The following CDH18 variants were observed in gnomAD, a reference collection of about 807,000 sequenced individuals.
The protein encoded by CDH18 is cadherin-18.
A neutral mutation model predicts 67.9 loss-of-function variants in CDH18; 31 were observed. The observed-to-expected ratio is 0.46, with a 90% CI of 0.34 to 0.62. The LOEUF is 0.62. Ranked by LOEUF, CDH18 falls within the 20% of genes least tolerant of loss-of-function variation. The pLI, the probability that CDH18 is intolerant of heterozygous loss-of-function variation, is 0.01. For missense variants in CDH18, 890 were observed against 975.5 expected (o/e 0.91, Z 1.17); for synonymous variants, 362 against 347.2 (o/e 1.04, Z -0.48).
intron 1 of CDH18, among the ~76,000 whole-genome samples, chr5:20,312,125 C>T (rs749961746): frequency 6.6e-6 from 1 of 152,150 alleles, no homozygotes; most frequent in Non-Finnish European, 1.5e-5. Context: ...TGTCAACTCA[C>T]AAGATAATGG....
rs146534654 is a variant in CDH18, at chr5:20,293,165, A to G, written c.-579-37660T>C. Among the ~76,000 whole-genome samples the G allele has an allele frequency of 5.3e-3, 810 of 152,198 alleles. 5 individuals carry two copies. Among genetic ancestry groups the G allele is most frequent in the African/African-American group, 0.019 (776 of 41,512 alleles). On this transcript the variant is annotated intron_variant, in intron 1 of 14. Transcript: ENST00000507958. The stretch of plus-strand genomic sequence containing the variant: ...AACTCTGTCTCTACTAAAAATACAA[A>G]AATTATCCGAGAGTGGTAGTGGGCA...
chr5:20,383,593 C>T lies in CDH18; in HGVS notation c.-579-128088G>A, dbSNP rs181129326. 4.1e-4 allele frequency among the ~76,000 whole-genome samples: 62 copies of T among 152,234 alleles called. No individual in the cohort carries two copies. In the East Asian group the frequency reaches 8.5e-3, roughly 21 times the overall value. On this transcript the variant is annotated intron_variant, in intron 1 of 14. Coordinates refer to the CDH18 transcript ENST00000507958. The stretch of plus-strand genomic sequence containing the variant: ...GGATGGAGAATAATTTCTAGCTGAT[C>T]AACTGGCATAAAATGCCTTGCTTAA...
At chr5:19,907,079 T>G (rs2150128055) in intron 2 of CDH18, among the ~76,000 whole-genome samples, 1 of 152,110 alleles carries the variant, frequency 6.6e-6, no homozygotes, top group South Asian at 2.1e-4. Context: ...GTCAGTTAAC[T>G]TAAAAGTTAA....
chr5:19,842,643 G>A (rs1307123193), intron 2 of CDH18, among the ~76,000 whole-genome samples: 2 of 152,132 alleles, frequency 1.3e-5, no homozygotes, highest in Admixed American at 6.6e-5. Flanking sequence ...GTAGAGTGGG[G>A]TGCTGTTATA....
intron 1 of CDH18, among the ~76,000 whole-genome samples, chr5:20,537,744 CA>C (rs958625637): frequency 2.7e-5 from 3 of 112,384 alleles, no homozygotes; most frequent in Admixed American, 2.1e-4. Flanking sequence ...TTAGTGTATA[CA>C]AAAAAAACTA....
At chr5:19,827,954 A>C (rs1780581757) in intron 3 of CDH18, among the ~76,000 whole-genome samples, 1 of 152,150 alleles carries the variant, frequency 6.6e-6, no homozygotes, top group African/African-American at 2.4e-5. Flanking sequence ...TGAAAGAATA[A>C]ATTAGATTGA....
chr5:19,809,504 T>A (rs929991485), intron 3 of CDH18, among the ~76,000 whole-genome samples: 2 of 145,330 alleles, frequency 1.4e-5, no homozygotes, highest in Non-Finnish European at 3.0e-5. Flanking sequence ...ATTGTGCACA[T>A]GTACCCTAAA....
intron 5 of CDH18, among the ~76,000 whole-genome samples, chr5:19,719,843 G>C (rs1202681120): frequency 6.8e-6 from 1 of 147,390 alleles, no homozygotes; most frequent in Non-Finnish European, 1.5e-5. Context: ...TCTTTTTAAG[G>C]TAAAAGAAAG....
chr5:19,547,194 T>C (rs1736482560), intron 8 of CDH18, among the ~76,000 whole-genome samples: 1 of 152,168 alleles, frequency 6.6e-6, no homozygotes, highest in South Asian at 2.1e-4. Context: ...GGTTAGGAAA[T>C]GACAGATGTC....
At chr5:19,958,795 T>C (rs1218705834) in intron 2 of CDH18, among the ~76,000 whole-genome samples, 1 of 152,026 alleles carries the variant, frequency 6.6e-6, no homozygotes, top group Non-Finnish European at 1.5e-5. Flanking sequence ...ATGTGTGATG[T>C]TCCGTGTTGC....
chr5:20,235,032 T>C (rs1459841304), intron 2 of CDH18, among the ~76,000 whole-genome samples: 1 of 152,014 alleles, frequency 6.6e-6, no homozygotes, highest in Non-Finnish European at 1.5e-5. Context: ...ATTTAAAAAA[T>C]AGAATAAAGA....
intron 6 of CDH18, among the ~76,000 whole-genome samples, chr5:19,607,111 T>C (rs1407056789): frequency 6.6e-6 from 1 of 151,688 alleles, no homozygotes; most frequent in Admixed American, 6.6e-5. Context: ...TGTAAATTTA[T>C]ATAGAAAAGC....
At chr5:19,822,285 T>C (rs140445576) in intron 3 of CDH18, among the ~76,000 whole-genome samples, 32 of 152,228 alleles carry the variant, frequency 2.1e-4, no homozygotes, top group Middle Eastern at 6.8e-3. Flanking sequence ...AAATCTGTCA[T>C]GTAAATGGAA....
intron 1 of CDH18, among the ~76,000 whole-genome samples, chr5:20,388,554 G>A (rs546905569): frequency 3.8e-4 from 58 of 151,902 alleles, no homozygotes; most frequent in African/African-American, 1.3e-3. Context: ...AGGGTTTTTT[G>A]TGTCTCTATC....
intron 3 of CDH18, among the ~76,000 whole-genome samples, chr5:19,820,141 T>A (rs578188667): frequency 8.5e-5 from 13 of 152,076 alleles, no homozygotes; most frequent in Non-Finnish European, 1.8e-4. Flanking sequence ...GAAACCAATG[T>A]CTGATGTATG....
At chr5:20,165,019 C>A (rs116129962) in intron 2 of CDH18, among the ~76,000 whole-genome samples, 1 of 151,984 alleles carries the variant, frequency 6.6e-6, no homozygotes, top group Non-Finnish European at 1.5e-5. Flanking sequence ...GCCTTTACAT[C>A]TTTTGAACCA....
chr5:20,029,588 T>C (rs941949220), intron 2 of CDH18, among the ~76,000 whole-genome samples: 2 of 152,146 alleles, frequency 1.3e-5, no homozygotes, highest in African/African-American at 4.8e-5. Flanking sequence ...CATAAGATTA[T>C]GAGATTACCT....
chr5:19,731,531 T>C (rs772345053), intron 4 of CDH18, among the ~76,000 whole-genome samples: 1 of 152,088 alleles, frequency 6.6e-6, no homozygotes, highest in Non-Finnish European at 1.5e-5. Flanking sequence ...GAATTTCAGA[T>C]TTTGGAATTA....
chr5:19,786,902 C>T (rs1300973090), intron 3 of CDH18, among the ~76,000 whole-genome samples: 2 of 152,094 alleles, frequency 1.3e-5, no homozygotes, highest in Non-Finnish European at 2.9e-5. Context: ...GTTCCAACTG[C>T]CTCCACGTTG....
Sources: gnomAD v4.1 joint callset for allele counts (sites outside exome capture counted in the v4.1 genomes callset) on GRCh38, gnomAD v4.1.1 for gene constraint, MANE v1.5 for transcripts, NCBI Gene and HGNC (gene_info 2026-07-23, HGNC 2026-07-21) for gene names.